Variants in TRAPPC8 observed in about 807,000 individuals in gnomAD.
TRAPPC8 encodes general sporulation gene 1 homolog.
A neutral mutation model predicts 174.3 loss-of-function variants in TRAPPC8; 54 were observed. That is an observed-to-expected ratio of 0.31 (90% CI 0.25 to 0.39). TRAPPC8 has a LOEUF of 0.39. TRAPPC8 is among the 10% of genes least tolerant of loss of function. The probability of loss-of-function intolerance (pLI) is 1.00; values close to 1 mark genes in which losing one functional copy is unlikely to be tolerated. For synonymous variants in TRAPPC8, 630 were observed against 579.9 expected (o/e 1.09, Z -1.24); for missense variants, 1,531 against 1,699.1 (o/e 0.90, Z 1.74).
chr18:31,865,395 C>T (rs980940322), intron 18 of TRAPPC8, among the ~76,000 whole-genome samples: 10 of 152,004 alleles, frequency 6.6e-5, no homozygotes, highest in African/African-American at 2.4e-4. Flanking sequence ...AACTATCTTT[C>T]TTGCAGGACT....
rs59209328 is a variant in TRAPPC8, at chr18:31,873,007, CTTTTTTTTTTTTTTT to C, written c.2062+408_2062+422del. On this transcript the variant is annotated intron_variant, in intron 14 of 28. Transcript: ENST00000283351. ...AAGTAATAGAGAGCTATTCATTTTC[CTTTTTTTTTTTTTTT>C]TTTTTTTTTTTTTGAGACAAAGTTT... is the stretch of plus-strand genomic sequence containing the variant. Among the ~76,000 whole-genome samples, 12 of 74,628 alleles carry C rather than the reference CTTTTTTTTTTTTTTT, an allele frequency of 1.6e-4. No individual in the cohort carries two copies. The East Asian group carries it at 4.9e-3, about 30-fold the overall frequency. 49.0% of individuals were successfully genotyped at this position (74,628 alleles called of 152,430 possible).
intron 13 of TRAPPC8, chr18:31,874,267 G>A: frequency 1.9e-6 from 1 of 528,944 alleles, no homozygotes; most frequent in Non-Finnish European, 3.3e-6. Flanking sequence ...CAAATCAAGT[G>A]TTCATTGTAA....
intron 26 of TRAPPC8, among the ~76,000 whole-genome samples, chr18:31,842,463 A>G (rs114220702): frequency 0.011 from 1,656 of 152,348 alleles, 31 homozygotes; most frequent in African/African-American, 0.038. Context: ...GACTGGCATC[A>G]GGCTGATCAC....
chr18:31,938,086 T>G (rs2038180852), intron 1 of TRAPPC8, among the ~76,000 whole-genome samples: 1 of 152,144 alleles, frequency 6.6e-6, no homozygotes, highest in South Asian at 2.1e-4. Flanking sequence ...TTAAGTGAAA[T>G]TTTCTTAAAA....
At chr18:31,882,242 G>A (rs1320184076) in intron 12 of TRAPPC8, among the ~76,000 whole-genome samples, 2 of 152,052 alleles carry the variant, frequency 1.3e-5, no homozygotes, top group Non-Finnish European at 2.9e-5. Context: ...AGAAAATGTG[G>A]TACATACACA....
At chr18:31,892,802 T>A (rs2036010485) in intron 11 of TRAPPC8, among the ~76,000 whole-genome samples, 1 of 152,008 alleles carries the variant, frequency 6.6e-6, no homozygotes, top group Non-Finnish European at 1.5e-5. Context: ...AGGTGGGGGA[T>A]CGTTTTGAGC....
chr18:31,863,921 A>C (rs1329799360), intron 19 of TRAPPC8, among the ~76,000 whole-genome samples: 1 of 151,640 alleles, frequency 6.6e-6, no homozygotes, highest in Non-Finnish European at 1.5e-5. Context: ...ATTTGCTCTT[A>C]AATTCCCTGG....
At position 31,908,860 on chromosome 18, in the gene TRAPPC8, C is replaced by T; in HGVS notation, c.1016G>A (p.Cys339Tyr). The T allele has an allele frequency of 6.2e-7, 1 of 1,613,788 alleles. No homozygotes were observed. The highest frequency in any genetic ancestry group is 8.5e-7 in the Non-Finnish European group (1 of 1,179,806). ...KGNTGIIHGACLTLTDHDRIR... is the reference protein window; with the variant it reads ...KGNTGIIHGAYLTLTDHDRIR... The stretch of plus-strand genomic sequence containing the variant: ...TCTATCATGATCAGTAAGTGTTAAA[C>T]ATGCACCATGAATTATTCCAGTATT... The change falls in exon 7 of 29, where the codon TGT becomes TAT. Residue 339 changes from cysteine (C) to tyrosine (Y), a missense_variant. By Grantham distance (194) the Cys-to-Tyr change is radical (BLOSUM62 -2). Transcript: ENST00000283351.
At chr18:31,922,970 G>C (rs3865397) in intron 2 of TRAPPC8, among the ~76,000 whole-genome samples, 99,836 of 152,082 alleles carry the variant, frequency 0.66, 33,503 homozygotes, top group South Asian at 0.77. Flanking sequence ...TAAGCCAAGA[G>C]AGAGCCACTG....
At chr18:31,864,819 G>A (rs2034509275) in intron 18 of TRAPPC8, 38 bp from the exon 19 acceptor site, 4 of 1,554,258 alleles carry the variant, frequency 2.6e-6, no homozygotes, top group South Asian at 1.2e-5. Flanking sequence ...AAATAATTTG[G>A]TATGTTAACT....
intron 12 of TRAPPC8, among the ~76,000 whole-genome samples, chr18:31,879,339 G>C (rs192353670): frequency 1.4e-4 from 22 of 152,082 alleles, no homozygotes; most frequent in Admixed American, 1.4e-3. Flanking sequence ...AAAACCATAC[G>C]AGTACATGGA....
At chr18:31,902,441 C>T (rs572586064) in intron 9 of TRAPPC8, among the ~76,000 whole-genome samples, 11 of 152,196 alleles carry the variant, frequency 7.2e-5, no homozygotes, top group African/African-American at 2.4e-4. Flanking sequence ...CATCTTACCC[C>T]CAGTGTTCTC....
intron 2 of TRAPPC8, among the ~76,000 whole-genome samples, chr18:31,922,535 G>T (rs905555702): frequency 6.6e-6 from 1 of 152,036 alleles, no homozygotes; most frequent in Non-Finnish European, 1.5e-5. Flanking sequence ...AAGCTGCAGT[G>T]AGCCAAGATG....
chr18:31,831,021 T>C (rs939404329), intron 28 of TRAPPC8, 32 bp from the exon 29 acceptor site: 1 of 1,564,870 alleles, frequency 6.4e-7, no homozygotes, highest in Non-Finnish European at 8.7e-7. Flanking sequence ...AGTTGCAGGA[T>C]TTTTTTCTTT....
intron 11 of TRAPPC8, among the ~76,000 whole-genome samples, chr18:31,893,206 TC>T (rs1262886945): frequency 2.0e-5 from 3 of 152,150 alleles, no homozygotes; most frequent in African/African-American, 7.2e-5. Flanking sequence ...TTAATATTGG[TC>T]CTTTGTGATA....
chr18:31,858,175 C>A (rs953692175), intron 19 of TRAPPC8, among the ~76,000 whole-genome samples, 193 bp from the exon 20 acceptor site: 1 of 151,806 alleles, frequency 6.6e-6, no homozygotes, highest in Non-Finnish European at 1.5e-5. Context: ...AAGAATGTTA[C>A]TCTGCCACTC....
chr18:31,884,552 C>T (rs2035611262), intron 12 of TRAPPC8, among the ~76,000 whole-genome samples: 1 of 152,222 alleles, frequency 6.6e-6, no homozygotes. Context: ...ATCACTGCCA[C>T]TCTCTGAACT....
At chr18:31,890,930 T>A in intron 11 of TRAPPC8, 64 bp from the exon 12 acceptor site, 2 of 1,475,068 alleles carry the variant, frequency 1.4e-6, no homozygotes, top group Admixed American at 4.5e-5. Flanking sequence ...AGATAACTAG[T>A]GAAAAAAACA....
chr18:31,839,111 C>T (rs947635396), intron 27 of TRAPPC8, among the ~76,000 whole-genome samples: 1 of 152,160 alleles, frequency 6.6e-6, no homozygotes, highest in African/African-American at 2.4e-5. Context: ...AAATATATCA[C>T]ATTTGCCATG....
Sources: allele counts gnomAD v4.1 joint callset (sites outside exome capture counted in the v4.1 genomes callset), GRCh38; gene constraint gnomAD v4.1.1; transcripts MANE v1.5; gene names NCBI Gene and HGNC (gene_info 2026-07-23, HGNC 2026-07-21).